Variants in PEBP4 observed in about 807,000 individuals in gnomAD.
PEBP4 encodes phosphatidylethanolamine-binding protein 4.
Under a neutral mutation model 23.9 loss-of-function variants are expected in PEBP4, and 22 were observed. That is an observed-to-expected ratio of 0.92 (90% CI 0.66 to 1.31). The LOEUF (loss-of-function observed/expected upper bound fraction) is 1.31, where lower values mean the gene tolerates loss of function less well. Ranked by LOEUF, PEBP4 falls within the 40% of genes most tolerant of loss-of-function variation. The pLI is 0.00. For missense variants in PEBP4, 324 were observed against 281.7 expected, an observed-to-expected ratio of 1.15 and a Z score of -1.07; for synonymous variants, 112 against 99.3, an observed-to-expected ratio of 1.13 and a Z score of -0.76.
chr8:22,807,900 C>A (rs1343547320), intron 4 of PEBP4, among the ~76,000 whole-genome samples: 1 of 151,544 alleles, frequency 6.6e-6, no homozygotes, highest in Non-Finnish European at 1.5e-5. Flanking sequence ...TCCATCCACC[C>A]ACCCAACCTC....
chr8:22,761,403 C>T (rs143701229), intron 4 of PEBP4, among the ~76,000 whole-genome samples: 204 of 151,920 alleles, frequency 1.3e-3, no homozygotes, highest in African/African-American at 4.1e-3. Flanking sequence ...TGGGGGGAGG[C>T]GGGGAAGGCG....
chr8:22,767,396 A>G (rs375292716), intron 4 of PEBP4, among the ~76,000 whole-genome samples: 202 of 152,346 alleles, frequency 1.3e-3, no homozygotes, highest in African/African-American at 4.5e-3. Context: ...TTTGTAAATC[A>G]GAGGGAATTC....
At chr8:22,859,033 C>A (rs989110968) in intron 3 of PEBP4, among the ~76,000 whole-genome samples, 8 of 152,204 alleles carry the variant, frequency 5.3e-5, no homozygotes, top group African/African-American at 1.7e-4. Context: ...GTCAGCATGG[C>A]ACGGGTGTCC....
chr8:22,871,669 C>T (rs906235280), intron 3 of PEBP4, among the ~76,000 whole-genome samples: 1 of 151,690 alleles, frequency 6.6e-6, no homozygotes, highest in Non-Finnish European at 1.5e-5. Context: ...ATTCTCCTGC[C>T]TCAGCCTCCT....
At chr8:22,811,150 C>T (rs1438754168) in intron 4 of PEBP4, among the ~76,000 whole-genome samples, 1 of 152,090 alleles carries the variant, frequency 6.6e-6, no homozygotes, top group African/African-American at 2.4e-5. Flanking sequence ...ATGATAAACT[C>T]ATTTCCAATT....
chr8:22,825,113 C>T (rs1806939389), intron 3 of PEBP4, among the ~76,000 whole-genome samples: 1 of 152,218 alleles, frequency 6.6e-6, no homozygotes, highest in Non-Finnish European at 1.5e-5. Flanking sequence ...GGTCCCAGAC[C>T]TTTCATAACA....
At chr8:22,938,601 G>T (rs574232194) in intron 1 of PEBP4, among the ~76,000 whole-genome samples, 2 of 152,300 alleles carry the variant, frequency 1.3e-5, no homozygotes, top group South Asian at 4.2e-4. Flanking sequence ...CACCAGTACA[G>T]TGCCTGGGAC....
chr8:22,774,542 A>C (rs10105359), intron 4 of PEBP4, among the ~76,000 whole-genome samples: 28,922 of 152,174 alleles, frequency 0.19, 2,899 homozygotes, highest in East Asian at 0.32. Flanking sequence ...TTTTAGCCAG[A>C]GAGGGAAGGA....
intron 4 of PEBP4, among the ~76,000 whole-genome samples, chr8:22,749,805 C>CTATTTTTTTTT (rs1805209179): frequency 2.4e-5 from 2 of 83,762 alleles, no homozygotes; most frequent in Admixed American, 1.7e-4. Flanking sequence ...GTTTGTCATT[C>CTATTTTTTTTT]TTTTTTTTTT....
intron 4 of PEBP4, chr8:22,815,025 C>G (rs2128761355): frequency 6.6e-6 from 1 of 152,196 alleles, no homozygotes. Context: ...AGGCATGTGA[C>G]TTGGGGTTAA....
intron 4 of PEBP4, among the ~76,000 whole-genome samples, chr8:22,795,163 A>ATTTTTTTTTTTTTTTTTTTTTT (rs33911395): frequency 4.2e-5 from 2 of 47,346 alleles, no homozygotes; most frequent in African/African-American, 1.0e-4. Context: ...ATATATATAT[A>ATTTTTTTTTTTTTTTTTTTTTT]TTTTTTTTTT....
chr8:22,834,471 C>T (rs1357036557), intron 3 of PEBP4, among the ~76,000 whole-genome samples: 3 of 152,206 alleles, frequency 2.0e-5, no homozygotes, highest in African/African-American at 4.8e-5. Flanking sequence ...GACAGAGGCA[C>T]CTCCACCCAG....
chr8:22,764,682 C>CTCAGA lies in PEBP4; in HGVS notation c.358-37463_358-37462insTCTGA, dbSNP rs540254362. 2.3e-3 allele frequency among the ~76,000 whole-genome samples: 351 copies of CTCAGA among 151,060 alleles called. 1 individual carries two copies. The highest frequency in any genetic ancestry group is 8.1e-3 in the African/African-American group (334 of 41,102). ...GATTTGGAGCCTCAACTGGCTGACCCGTGGTCCTACTCTGAGGCTGCTGCC... is the reference window on the plus strand; with the variant it reads ...GATTTGGAGCCTCAACTGGCTGACCCTCAGAGTGGTCCTACTCTGAGGCTGCTGCC... On this transcript the variant is annotated intron_variant, in intron 4 of 6. Coordinates refer to ENST00000256404, the MANE Select transcript of PEBP4 (RefSeq NM_144962.3).
rs539321267 is a variant in PEBP4, at chr8:22,912,580, A to C, written c.258+7604T>G. ...AGGTTTGGCAAGTGTGACCCTGGGC[A>C]GCGCCCTCATCTGTCATCAAGGGGA... On this transcript the variant is annotated intron_variant, in intron 3 of 6. Coordinates refer to ENST00000256404, the MANE Select transcript of PEBP4 (RefSeq NM_144962.3). Among the ~76,000 whole-genome samples, 10 of 152,356 alleles carry C rather than the reference A, an allele frequency of 6.6e-5. No individual in the cohort carries two copies. In the East Asian group the frequency reaches 1.9e-3, roughly 29 times the overall value.
chr8:22,929,531 A>T (rs1407637154), upstream of PEBP4, among the ~76,000 whole-genome samples: 3 of 152,198 alleles, frequency 2.0e-5, no homozygotes, highest in African/African-American at 7.2e-5. Flanking sequence ...AGGCACTTTT[A>T]TCTCCGAATC....
At chr8:22,713,836 GC>G (rs1175381151) in intron 6 of PEBP4, among the ~76,000 whole-genome samples, 2 of 148,866 alleles carry the variant, frequency 1.3e-5, no homozygotes, top group South Asian at 2.1e-4. Flanking sequence ...TAGCAAAACT[GC>G]CTTCTCGCTC....
chr8:22,790,301 G>A (rs944920940), intron 4 of PEBP4, among the ~76,000 whole-genome samples: 2 of 152,184 alleles, frequency 1.3e-5, no homozygotes, highest in East Asian at 1.9e-4. Flanking sequence ...TCCAGAGTGG[G>A]GGCAGAGACC....
At chr8:22,764,823 T>C (rs753277070) in intron 4 of PEBP4, among the ~76,000 whole-genome samples, 5 of 151,852 alleles carry the variant, frequency 3.3e-5, no homozygotes, top group Non-Finnish European at 7.4e-5. Flanking sequence ...AATGGCAACA[T>C]TCAGTGGATG....
chr8:22,782,010 G>A (rs1299778623), intron 4 of PEBP4, among the ~76,000 whole-genome samples: 1 of 152,222 alleles, frequency 6.6e-6, no homozygotes, highest in Non-Finnish European at 1.5e-5. Context: ...GCCATGGTGG[G>A]TGAGAGGATC....
Sources: gnomAD v4.1 joint callset for allele counts (sites outside exome capture counted in the v4.1 genomes callset) on GRCh38, gnomAD v4.1.1 for gene constraint, MANE v1.5 for transcripts, NCBI Gene and HGNC (gene_info 2026-07-23, HGNC 2026-07-21) for gene names.